Variants in SH3GL2 observed in about 807,000 individuals in gnomAD.
SH3GL2 encodes SH3 domain containing GRB2 like 2, endophilin A1, also known as endophilin-A1.
Under a neutral mutation model 46.0 loss-of-function variants are expected in SH3GL2, and 24 were observed. The observed-to-expected ratio is 0.52, with a 90% CI of 0.38 to 0.73. The LOEUF is 0.73. Ranked by LOEUF, SH3GL2 falls within the 30% of genes least tolerant of loss-of-function variation. SH3GL2 has a pLI of 0.00. For missense variants in SH3GL2, 413 were observed against 424.2 expected, an observed-to-expected ratio of 0.97 and a Z score of 0.23; for synonymous variants, 196 against 147.1, an observed-to-expected ratio of 1.33 and a Z score of -2.40.
chr9:17,722,466 T>G (rs895471772), intron 1 of SH3GL2, among the ~76,000 whole-genome samples: 3 of 152,120 alleles, frequency 2.0e-5, no homozygotes, highest in Non-Finnish European at 2.9e-5. Context: ...ACTCTAAACC[T>G]TTTGTGATTG....
intron 1 of SH3GL2, among the ~76,000 whole-genome samples, chr9:17,690,352 C>T (rs1169302699): frequency 6.6e-6 from 1 of 152,132 alleles, no homozygotes; most frequent in African/African-American, 2.4e-5. Context: ...TTATGGACTC[C>T]TCCAAGCTTT....
At chr9:17,744,078 A>G (rs763526667) in intron 1 of SH3GL2, among the ~76,000 whole-genome samples, 5 of 152,316 alleles carry the variant, frequency 3.3e-5, no homozygotes, top group Non-Finnish European at 7.4e-5. Context: ...GGAGACAACA[A>G]TTGATTTGGG....
At chr9:17,588,124 C>T (rs887777548) in intron 1 of SH3GL2, among the ~76,000 whole-genome samples, 6 of 152,074 alleles carry the variant, frequency 3.9e-5, no homozygotes, top group African/African-American at 7.2e-5. Flanking sequence ...TTATATTTCC[C>T]GTTATTTGCT....
intron 1 of SH3GL2, among the ~76,000 whole-genome samples, chr9:17,685,763 T>A (rs1164870062): frequency 6.6e-6 from 1 of 151,966 alleles, no homozygotes; most frequent in South Asian, 2.1e-4. Context: ...GTTGTAGATA[T>A]GCGGCGTTAT....
intron 3 of SH3GL2, among the ~76,000 whole-genome samples, chr9:17,765,449 A>G (rs1419638298): frequency 6.6e-6 from 1 of 152,228 alleles, no homozygotes; most frequent in Non-Finnish European, 1.5e-5. Context: ...TTTAGCTTTT[A>G]AGAATACATG....
intron 2 of SH3GL2, among the ~76,000 whole-genome samples, chr9:17,759,487 A>G (rs914446617): frequency 3.9e-5 from 6 of 152,158 alleles, no homozygotes; most frequent in African/African-American, 1.4e-4. Flanking sequence ...TTTGCTTTCA[A>G]GAAGTATAGG....
chr9:17,654,561 G>A (rs554320190), intron 1 of SH3GL2, among the ~76,000 whole-genome samples: 1 of 152,144 alleles, frequency 6.6e-6, no homozygotes, highest in Admixed American at 6.5e-5. Context: ...GTAGATTAGG[G>A]CTTGGAATGA....
chr9:17,700,709 G>A (rs1418019050), intron 1 of SH3GL2, among the ~76,000 whole-genome samples: 2 of 151,942 alleles, frequency 1.3e-5, no homozygotes, highest in Non-Finnish European at 2.9e-5. Context: ...AAAGGGCCTG[G>A]GTTAAAATCC....
chr9:17,633,782 G>T (rs1402864041), intron 1 of SH3GL2, among the ~76,000 whole-genome samples: 1 of 152,170 alleles, frequency 6.6e-6, no homozygotes, highest in Non-Finnish European at 1.5e-5. Context: ...TGCCCATTTT[G>T]CTGTATGTCC....
chr9:17,603,735 C>T (rs1307330668), intron 1 of SH3GL2, among the ~76,000 whole-genome samples: 3 of 152,102 alleles, frequency 2.0e-5, no homozygotes, highest in Admixed American at 1.3e-4. Context: ...TGGTGCATGC[C>T]TGTAATCCCA....
chr9:17,583,445 A>T, intron 1 of SH3GL2, among the ~76,000 whole-genome samples: 1 of 152,150 alleles, frequency 6.6e-6, no homozygotes, highest in East Asian at 1.9e-4. Context: ...CCACCGTGTG[A>T]GGGTTTAGCA....
At chr9:17,615,383 G>A (rs761623868) in intron 1 of SH3GL2, among the ~76,000 whole-genome samples, 14 of 152,214 alleles carry the variant, frequency 9.2e-5, no homozygotes, top group Non-Finnish European at 1.3e-4. Flanking sequence ...TTGGCTGGGT[G>A]CGGTGGCTCA....
At chr9:17,614,011 C>G (rs139036971) in intron 1 of SH3GL2, among the ~76,000 whole-genome samples, 16 of 151,990 alleles carry the variant, frequency 1.1e-4, no homozygotes, top group African/African-American at 3.6e-4. Context: ...CTCTTGTCTC[C>G]TTCTCCTTCT....
chr9:17,793,219 G>T (rs971202497), intron 7 of SH3GL2, 148 bp from the exon 8 acceptor site: 31 of 678,590 alleles, frequency 4.6e-5, no homozygotes, highest in Non-Finnish European at 2.7e-5. Flanking sequence ...ATACATACAA[G>T]AAAACTAAGG....
chr9:17,781,436 G>A (rs1241086574), intron 3 of SH3GL2, among the ~76,000 whole-genome samples: 1 of 149,386 alleles, frequency 6.7e-6, no homozygotes, highest in Admixed American at 6.7e-5. Flanking sequence ...TAGGTTGCCT[G>A]TTCACTCTGA....
At chr9:17,779,510 C>T (rs996630755) in intron 3 of SH3GL2, among the ~76,000 whole-genome samples, 7 of 152,098 alleles carry the variant, frequency 4.6e-5, no homozygotes. Context: ...TGCAGCCCAT[C>T]CCTCTTTCTG....
At chr9:17,674,341 A>T (rs1820552114) in intron 1 of SH3GL2, among the ~76,000 whole-genome samples, 1 of 152,090 alleles carries the variant, frequency 6.6e-6, no homozygotes. Flanking sequence ...ATCTCAGCTC[A>T]CTGAAACCTC....
intron 3 of SH3GL2, among the ~76,000 whole-genome samples, chr9:17,776,246 AAACC>A (rs1823638348): frequency 6.6e-6 from 1 of 152,094 alleles, no homozygotes; most frequent in Non-Finnish European, 1.5e-5. Context: ...CATTTGTGAT[AAACC>A]TTGATTTTGA....
intron 1 of SH3GL2, among the ~76,000 whole-genome samples, chr9:17,626,819 G>C (rs544291330): frequency 6.6e-6 from 1 of 152,060 alleles, no homozygotes; most frequent in East Asian, 1.9e-4. Context: ...TTTACCTCCC[G>C]TGTCTCTCAT....
Sources: gnomAD v4.1 joint callset for allele counts (sites outside exome capture counted in the v4.1 genomes callset) on GRCh38, gnomAD v4.1.1 for gene constraint, MANE v1.5 for transcripts, NCBI Gene and HGNC (gene_info 2026-07-23, HGNC 2026-07-21) for gene names.